Variants in SNX29 observed in about 807,000 individuals in gnomAD.
SNX29 encodes sorting nexin 29.
A neutral mutation model predicts 102.1 loss-of-function variants in SNX29; 78 were observed. The observed-to-expected ratio is 0.76, with a 90% CI of 0.64 to 0.92. The LOEUF is 0.92. Among genes scored for constraint, SNX29 ranks in the 40% least tolerant of loss-of-function variants. The pLI, the probability that SNX29 is intolerant of heterozygous loss-of-function variation, is 0.00. For missense variants in SNX29, 1,280 were observed against 1,061.7 expected (o/e 1.21, Z -2.86); for synonymous variants, 580 against 414.5 (o/e 1.40, Z -4.85).
chr16:12,172,139 C>A (rs1314613575), intron 13 of SNX29, among the ~76,000 whole-genome samples: 1 of 152,134 alleles, frequency 6.6e-6, no homozygotes, highest in Non-Finnish European at 1.5e-5. Flanking sequence ...TGAAGTGTTG[C>A]CTAAGAATGA....
intron 10 of SNX29, among the ~76,000 whole-genome samples, chr16:12,070,869 C>A (rs1442199298): frequency 6.6e-6 from 1 of 152,232 alleles, no homozygotes; most frequent in African/African-American, 2.4e-5. Context: ...GCCATTCTAA[C>A]TGGTGTGAGA....
chr16:12,266,446 A>AC (rs2078931607), intron 14 of SNX29, among the ~76,000 whole-genome samples: 1 of 152,112 alleles, frequency 6.6e-6, no homozygotes, highest in South Asian at 2.1e-4. Context: ...CTTCCAACCA[A>AC]CCAGCCCCTC....
At chr16:12,490,723 A>G (rs1168096431) in intron 19 of SNX29, among the ~76,000 whole-genome samples, 1 of 152,250 alleles carries the variant, frequency 6.6e-6, no homozygotes, top group African/African-American at 2.4e-5. Flanking sequence ...CCACCACACC[A>G]AATTAACAGC....
chr16:12,091,386 G>A (rs1413291114), intron 11 of SNX29, among the ~76,000 whole-genome samples: 1 of 152,138 alleles, frequency 6.6e-6, no homozygotes, highest in Non-Finnish European at 1.5e-5. Context: ...AAAATTCCTA[G>A]GTTGGAATCC....
At position 11,982,567 on chromosome 16, in the gene SNX29, C is replaced by A. The variant is rs897297672; in HGVS notation, c.7+5754C>A. ...GCCTCAGCCTCCCGAGTAGCTGGGA[C>A]TACAGGCGCTTGCAACCACGCCCAG... On this transcript the variant is annotated intron_variant, in intron 1 of 20. Coordinates refer to ENST00000566228, the MANE Select transcript of SNX29 (RefSeq NM_032167.5). Among the ~76,000 whole-genome samples the A allele has an allele frequency of 4.6e-5, 7 of 151,358 alleles. 1 individual carries two copies. Among genetic ancestry groups the A allele is most frequent in the South Asian group, 4.2e-4 (2 of 4,788 alleles).
intron 14 of SNX29, among the ~76,000 whole-genome samples, chr16:12,206,765 C>G (rs529124462): frequency 3.9e-4 from 59 of 150,926 alleles, no homozygotes; most frequent in African/African-American, 1.4e-3. Flanking sequence ...TTAAAAATCC[C>G]AATGCTTGGC....
At chr16:12,238,144 TC>T (rs1436542125) in intron 14 of SNX29, among the ~76,000 whole-genome samples, 1 of 151,958 alleles carries the variant, frequency 6.6e-6, no homozygotes, top group African/African-American at 2.4e-5. Flanking sequence ...CTTTTAAAAA[TC>T]ATTGTGGTAA....
chr16:12,007,984 C>G (rs531145884), intron 3 of SNX29, among the ~76,000 whole-genome samples: 1 of 152,128 alleles, frequency 6.6e-6, no homozygotes, highest in African/African-American at 2.4e-5. Context: ...CGCTCTGTCA[C>G]CCAGGCCGGA....
intron 16 of SNX29, chr16:12,374,923 G>C (rs1254167075): frequency 2.0e-5 from 3 of 152,144 alleles, no homozygotes; most frequent in African/African-American, 7.2e-5. Context: ...GTTTGCTAGA[G>C]TGATACATAC....
intron 18 of SNX29, among the ~76,000 whole-genome samples, chr16:12,437,348 G>T (rs2085582607): frequency 6.6e-6 from 1 of 152,200 alleles, no homozygotes; most frequent in South Asian, 2.1e-4. Flanking sequence ...GAGTGGATGG[G>T]CCTGAGGCCC....
chr16:12,360,011 A>G (rs2082257428), intron 16 of SNX29, among the ~76,000 whole-genome samples: 1 of 152,080 alleles, frequency 6.6e-6, no homozygotes, highest in South Asian at 2.1e-4. Flanking sequence ...TTTAGTAGAG[A>G]CGGGGTTTCT....
chr16:12,377,392 A>G (rs928267252), intron 16 of SNX29, among the ~76,000 whole-genome samples: 8 of 152,204 alleles, frequency 5.3e-5, no homozygotes, highest in African/African-American at 1.9e-4. Flanking sequence ...GGCAGGAGAC[A>G]TTGGCCAAGC....
chr16:12,182,921 G>T (rs144596365), intron 13 of SNX29, among the ~76,000 whole-genome samples: 1 of 129,266 alleles, frequency 7.7e-6, no homozygotes, highest in African/African-American at 3.0e-5. Context: ...ACGACAGAGC[G>T]AGACTCTGTC....
At chr16:12,521,507 G>A (rs1349414594) in intron 19 of SNX29, among the ~76,000 whole-genome samples, 1 of 152,134 alleles carries the variant, frequency 6.6e-6, no homozygotes, top group African/African-American at 2.4e-5. Flanking sequence ...CCCACATATA[G>A]TAGGAAGGAC....
intron 14 of SNX29, among the ~76,000 whole-genome samples, chr16:12,262,529 A>C (rs554296262): frequency 1.3e-5 from 2 of 152,222 alleles, no homozygotes; most frequent in Non-Finnish European, 2.9e-5. Context: ...CGATCCTAAA[A>C]TGCAGCGATG....
At chr16:12,207,925 G>A (rs993136139) in intron 14 of SNX29, among the ~76,000 whole-genome samples, 3 of 152,092 alleles carry the variant, frequency 2.0e-5, no homozygotes, top group African/African-American at 4.8e-5. Flanking sequence ...TTAGAAACAT[G>A]CAGGTTTTTT....
Position 12,293,236 on chromosome 16 carries a change from C to G in SNX29, c.1782+15200C>G, listed in dbSNP as rs532377969. Among the ~76,000 whole-genome samples, 24 of 152,346 alleles carry G rather than the reference C, an allele frequency of 1.6e-4. No individual in the cohort carries two copies. In the South Asian group the frequency reaches 5.0e-3, roughly 32 times the overall value. ...GGGTTATAGGTGTGAGTCACCACGC[C>G]TGACCCCATCATATGCATCGTGTCA... On this transcript the variant is annotated intron_variant, in intron 15 of 20. Coordinates refer to ENST00000566228, the MANE Select transcript of SNX29 (RefSeq NM_032167.5).
At position 12,378,781 on chromosome 16, in the gene SNX29, G is replaced by A. The variant is rs930824288; in HGVS notation, c.1900-19665G>A. Among the ~76,000 whole-genome samples, 9 of 152,262 alleles carry A rather than the reference G, an allele frequency of 5.9e-5. No individual in the cohort carries two copies. In the South Asian group the frequency reaches 1.2e-3, roughly 21 times the overall value. ...ACCTGGTACATTTCTGCCTGACTCC[G>A]TTCTCACTGCTCCCTTCCGCTCCCC... On this transcript the variant is annotated intron_variant, in intron 16 of 20. Coordinates refer to ENST00000566228, the MANE Select transcript of SNX29 (RefSeq NM_032167.5).
At chr16:11,997,290 C>T (rs1038624664) in intron 1 of SNX29, among the ~76,000 whole-genome samples, 7 of 152,144 alleles carry the variant, frequency 4.6e-5, no homozygotes, top group African/African-American at 1.4e-4. Context: ...CACTGGCCTG[C>T]CCTGTCTTTC....
Sources: allele counts gnomAD v4.1 joint callset (sites outside exome capture counted in the v4.1 genomes callset), GRCh38; gene constraint gnomAD v4.1.1; transcripts MANE v1.5; gene names NCBI Gene and HGNC (gene_info 2026-07-23, HGNC 2026-07-21).